WDR1: variants seen among roughly 807,000 people sequenced by gnomAD.
WDR1 encodes the protein WD repeat domain 1.
A neutral mutation model predicts 71.9 loss-of-function variants in WDR1; 21 were observed. The observed-to-expected ratio is 0.29, with a 90% CI of 0.21 to 0.42. The LOEUF (loss-of-function observed/expected upper bound fraction) is 0.42. Among genes scored for constraint, WDR1 ranks in the 10% least tolerant of loss-of-function variants. The probability of loss-of-function intolerance (pLI) is 1.00; values close to 1 mark genes in which losing one functional copy is unlikely to be tolerated. For missense variants in WDR1, 696 were observed against 824.5 expected (o/e 0.84, Z 1.91); for synonymous variants, 424 against 347.4 (o/e 1.22, Z -2.45).
chr4:10,079,468 C>A (rs188898275), intron 11 of WDR1, among the ~76,000 whole-genome samples: 3 of 152,248 alleles, frequency 2.0e-5, no homozygotes, highest in African/African-American at 7.2e-5. Flanking sequence ...TTATGCTGCA[C>A]GCCCAAGGCT....
At chr4:10,104,073 G>A (rs1295843632) in intron 2 of WDR1, 87 bp from the exon 3 acceptor site, 15 of 1,363,742 alleles carry the variant, frequency 1.1e-5, no homozygotes, top group Non-Finnish European at 1.5e-5. Context: ...TGGGGTGAAA[G>A]GGGTGTACAA....
In WDR1 at chr4:10,101,655, A is replaced by G. The variant is rs549837086; in HGVS notation, c.229+2241T>C. On this transcript the variant is annotated intron_variant, in intron 3 of 14. Coordinates refer to ENST00000499869, the MANE Select transcript of WDR1 (RefSeq NM_017491.5). ...GTCTGTCCTTTGCAACAGTCTCCGC[A>G]ACAGCCTTCCATTGAATTCTGTCTC... 8.5e-5 allele frequency among the ~76,000 whole-genome samples: 13 copies of G among 152,298 alleles called. No individual in the cohort carries two copies. The South Asian group carries it at 2.3e-3, about 27-fold the overall frequency.
At position 10,114,771 on chromosome 4, in the gene WDR1, C is replaced by T. The variant is rs151240969; in HGVS notation, c.138+1342G>A. Among the ~76,000 whole-genome samples the T allele has an allele frequency of 7.2e-4, 110 of 152,354 alleles. 1 individual carries two copies. The East Asian group carries it at 8.9e-3, about 12-fold the overall frequency. The stretch of plus-strand genomic sequence containing the variant: ...CAAGGCCCTTCGGCTTTCTAGGAAT[C>T]TGTGTGACTAGCAAGTTGTTAGCAC... On this transcript the variant is annotated intron_variant, in intron 2 of 14. Transcript: ENST00000499869.
At chr4:10,097,977 G>T in intron 4 of WDR1, 86 bp from the exon 5 acceptor site, 1 of 1,353,098 alleles carries the variant, frequency 7.4e-7, no homozygotes, top group Non-Finnish European at 9.9e-7. Flanking sequence ...TAGCTGAGCT[G>T]CCAGTGCACA....
intron 8 of WDR1, among the ~76,000 whole-genome samples, chr4:10,085,171 G>C (rs3822249): frequency 0.3 from 46,102 of 152,136 alleles, 7,366 homozygotes; most frequent in East Asian, 0.54. Context: ...CTGAGCCTGA[G>C]ACAAAAATAA....
At position 10,099,014 on chromosome 4, in the gene WDR1, C is replaced by T. The variant is rs1712525904; in HGVS notation, c.355G>A (p.Val119Met). ...CACTTCTCCCTTCCTTCCCCGACCACGGCGATCCTCTTACTGTCTTCAGTC... is the reference window on the plus strand; with the variant it reads ...CACTTCTCCCTTCCTTCCCCGACCATGGCGATCCTCTTACTGTCTTCAGTC... ...AWTEDSKRIAVVGEGREKFGA... is the reference protein window; with the variant it reads ...AWTEDSKRIAMVGEGREKFGA... Residue 119 changes from valine (V) to methionine (M), a missense_variant, in exon 4 of 15, where the codon GTG becomes ATG. Val to Met is a conservative substitution (Grantham distance 21). Transcript: ENST00000499869. The T allele has an allele frequency of 5.0e-6, 8 of 1,614,052 alleles. No homozygotes were observed. The highest frequency in any genetic ancestry group is 1.1e-5 in the South Asian group (1 of 91,088).
rs1764718045 is a variant in WDR1 at position 10,074,401 on chromosome 4, ACAAGTG to A, written c.*971_*976del. ...CTCTTAAAGCGCTCAAAGTGTTTTCACAAGTGCAAGGGGAGGGATTGTTCTCAGCCA... is the reference window on the plus strand; with the variant it reads ...CTCTTAAAGCGCTCAAAGTGTTTTCACAAGGGGAGGGATTGTTCTCAGCCA... On this transcript the variant is annotated 3_prime_UTR_variant, in exon 15 of 15. Transcript: ENST00000499869. 1 of 152,630 alleles carries A rather than the reference ACAAGTG, an allele frequency of 6.6e-6. No individual in the cohort carries two copies. Among genetic ancestry groups the A allele is most frequent in the South Asian group, 2.1e-4 (1 of 4,828 alleles). 9.5% of individuals were successfully genotyped at this position (152,630 alleles called of 1,614,324 possible). A position where few individuals can be genotyped will look rare whatever the true frequency, so the allele number is the denominator to read the frequency against.
At chr4:10,084,169 C>T (rs1765120166) in intron 9 of WDR1, among the ~76,000 whole-genome samples, 1 of 152,220 alleles carries the variant, frequency 6.6e-6, no homozygotes, top group African/African-American at 2.4e-5. Context: ...GCCACACTCT[C>T]AGGGTTGCAC....
intron 14 of WDR1, 115 bp downstream of exon 14, chr4:10,077,189 A>T: frequency 7.3e-7 from 1 of 1,374,522 alleles, no homozygotes; most frequent in Non-Finnish European, 9.9e-7. Flanking sequence ...CCACCTGTCT[A>T]GAAGCACAGA....
At chr4:10,115,850 C>T in intron 2 of WDR1, 1 of 432,818 alleles carries the variant, frequency 2.3e-6, no homozygotes, top group Admixed American at 4.0e-5. Context: ...AGATCAGAGG[C>T]GATCCGGCGC....
Position 10,081,337 on chromosome 4 carries a change from AC to A in WDR1, c.1284+19del. 1 of 1,611,646 alleles carries A rather than the reference AC, an allele frequency of 6.2e-7. No homozygotes were observed. ...CACACAGCTGCAGGCTCCCACCCAA[AC>A]ACTAAGCCAGGTCCCTACCTGTCCA... is the stretch of plus-strand genomic sequence containing the variant. On this transcript the variant is annotated intron_variant, in intron 11 of 14. Transcript: ENST00000499869.
intron 2 of WDR1, among the ~76,000 whole-genome samples, chr4:10,111,714 C>T (rs1409189201): frequency 1.3e-5 from 2 of 152,132 alleles, no homozygotes; most frequent in Admixed American, 6.5e-5. Context: ...ACCCCCAACC[C>T]GCAGGAAACA....
At chr4:10,106,020 T>C (rs753309562) in intron 2 of WDR1, among the ~76,000 whole-genome samples, 3 of 150,884 alleles carry the variant, frequency 2.0e-5, no homozygotes, top group Non-Finnish European at 4.4e-5. Context: ...GACTACACAT[T>C]GCCTCTCACT....
In WDR1 at chr4:10,083,395, C is replaced by A. The variant is rs189163059; in HGVS notation, c.1040-217G>T. ...GCACCACACAGGGATTGGGATGAGG[C>A]AGAAAGGGAGCCGTGCTGAAGGCCT... On this transcript the variant is annotated intron_variant, in intron 9 of 14. Coordinates refer to ENST00000499869, the MANE Select transcript of WDR1 (RefSeq NM_017491.5). 1.7e-3 allele frequency among the ~76,000 whole-genome samples: 257 copies of A among 152,328 alleles called. 2 individuals carry two copies. The highest frequency in any genetic ancestry group is 2.9e-3 in the Non-Finnish European group (197 of 68,034).
intron 3 of WDR1, among the ~76,000 whole-genome samples, chr4:10,100,161 T>C (rs1357086393): frequency 6.6e-6 from 1 of 152,234 alleles, no homozygotes; most frequent in Non-Finnish European, 1.5e-5. Flanking sequence ...GCTCTACAGC[T>C]GCTTCCAGTG....
chr4:10,083,542 T>A, intron 9 of WDR1: 1 of 473,024 alleles, frequency 2.1e-6, no homozygotes, highest in Non-Finnish European at 4.2e-6. Context: ...ATGTCTGCCC[T>A]CCTCTCCCAG....
chr4:10,104,027 A>C, intron 2 of WDR1, 41 bp from the exon 3 acceptor site: 2 of 1,553,658 alleles, frequency 1.3e-6, no homozygotes, highest in Non-Finnish European at 1.7e-6. Flanking sequence ...GGAATGGAGA[A>C]GCAGTCAAGC....
chr4:10,087,635 C>T lies in WDR1; in HGVS notation c.951+72G>A, dbSNP rs948310231. 19 of 1,435,182 alleles carry T rather than the reference C, an allele frequency of 1.3e-5. No homozygotes were observed. In the African/African-American group the frequency reaches 1.7e-4, roughly 13 times the overall value. The allele number at this position is 1,435,182 out of a possible 1,614,324, so 88.9% of individuals were successfully genotyped here. A position where few individuals can be genotyped will look rare whatever the true frequency, so the allele number is the denominator to read the frequency against. On this transcript the variant is annotated intron_variant, in intron 8 of 14. Transcript: ENST00000499869. ...TCCACCTGGCTTCCCCTCGGTTCCCCTTCCTTGCTGGCCACTCTGGTCTCT... is the reference window on the plus strand; with the variant it reads ...TCCACCTGGCTTCCCCTCGGTTCCCTTTCCTTGCTGGCCACTCTGGTCTCT...
intron 5 of WDR1, 147 bp from the exon 6 acceptor site, chr4:10,088,888 C>T: frequency 1.4e-6 from 1 of 690,484 alleles, no homozygotes; most frequent in Non-Finnish European, 2.5e-6. Flanking sequence ...CTTAAAAAAA[C>T]ATCCTGGGCA....
Sources: allele counts gnomAD v4.1 joint callset (sites outside exome capture counted in the v4.1 genomes callset), GRCh38; gene constraint gnomAD v4.1.1; transcripts MANE v1.5; gene names NCBI Gene and HGNC (gene_info 2026-07-23, HGNC 2026-07-21).